Variants in WWOX observed in about 807,000 individuals in gnomAD.
WWOX encodes WW domain-containing oxidoreductase.
Under a neutral mutation model 46.2 loss-of-function variants are expected in WWOX, and 69 were observed. The observed-to-expected ratio is 1.49, with a 90% CI of 1.23 to 1.82. The LOEUF is 1.82. WWOX is among the 40% of genes most tolerant of loss of function. The probability of loss-of-function intolerance (pLI) is 0.00; values close to 1 mark genes in which losing one functional copy is unlikely to be tolerated. For missense variants in WWOX, 919 were observed against 542.6 expected, an observed-to-expected ratio of 1.69 and a Z score of -6.89; for synonymous variants, 359 against 202.6, an observed-to-expected ratio of 1.77 and a Z score of -6.56.
intron 8 of WWOX, among the ~76,000 whole-genome samples, chr16:78,961,077 A>T (rs1039228617): frequency 1.3e-5 from 2 of 152,144 alleles, no homozygotes; most frequent in African/African-American, 4.8e-5. Flanking sequence ...CTTGAGACTC[A>T]GGTGTTCTCA....
In WWOX at chr16:78,929,692, G is replaced by A. The variant is rs549360006; in HGVS notation, c.1057-281916G>A. Among the ~76,000 whole-genome samples, 121 of 152,236 alleles carry A rather than the reference G, an allele frequency of 7.9e-4. 1 individual carries two copies. In the South Asian group the frequency reaches 0.025, roughly 31 times the overall value. On this transcript the variant is annotated intron_variant, in intron 8 of 8. Coordinates refer to ENST00000566780, the MANE Select transcript of WWOX (RefSeq NM_016373.4). ...TGGACTGCATGCTGCAGCCAGCTCA[G>A]GAAAGATTTCAGGAAGAGCGTTTAG...
At chr16:79,069,190 A>C (rs972728449) in intron 8 of WWOX, among the ~76,000 whole-genome samples, 1 of 152,162 alleles carries the variant, frequency 6.6e-6, no homozygotes, top group African/African-American at 2.4e-5. Flanking sequence ...TATCCTCTTG[A>C]CCTGGAATGG....
At chr16:78,589,215 A>T (rs1320462109) in intron 8 of WWOX, among the ~76,000 whole-genome samples, 1 of 152,194 alleles carries the variant, frequency 6.6e-6, no homozygotes, top group African/African-American at 2.4e-5. Flanking sequence ...TTATTGCGGT[A>T]AGTGCTCAGG....
chr16:79,182,069 T>TCCCCACCCTACCCCCCCCCCCCCC (rs57184665), intron 8 of WWOX, among the ~76,000 whole-genome samples: 1 of 149,740 alleles, frequency 6.7e-6, no homozygotes, highest in African/African-American at 2.5e-5. Context: ...CCTTCCAACA[T>TCCCCACCCTACCCCCCCCCCCCCC]CCCCACCCTA....
At chr16:78,712,260 T>G (rs180863065) in intron 8 of WWOX, among the ~76,000 whole-genome samples, 57 of 152,240 alleles carry the variant, frequency 3.7e-4, no homozygotes, top group African/African-American at 1.3e-3. Context: ...TCCCAGCACT[T>G]TGGGAGGCCG....
At chr16:78,469,904 T>C (rs2084179788) in intron 8 of WWOX, among the ~76,000 whole-genome samples, 1 of 152,234 alleles carries the variant, frequency 6.6e-6, no homozygotes, top group Non-Finnish European at 1.5e-5. Context: ...ATAGAGCCAA[T>C]AAGATGTAAC....
intron 8 of WWOX, among the ~76,000 whole-genome samples, chr16:79,097,223 A>G (rs560858229): frequency 6.6e-6 from 1 of 152,280 alleles, no homozygotes; most frequent in South Asian, 2.1e-4. Flanking sequence ...GCTTTTCTCA[A>G]TAATTGCATA....
intron 8 of WWOX, among the ~76,000 whole-genome samples, chr16:78,886,760 C>G (rs1391216883): frequency 6.6e-6 from 1 of 151,614 alleles, no homozygotes; most frequent in Non-Finnish European, 1.5e-5. Context: ...ATAATTAAAG[C>G]ACAAGGAAAG....
In WWOX at chr16:78,782,466, G is replaced by A. The variant is rs755496517; in HGVS notation, c.1056+349714G>A. On this transcript the variant is annotated intron_variant, in intron 8 of 8. Coordinates refer to ENST00000566780, the MANE Select transcript of WWOX (RefSeq NM_016373.4). ...CATTGGTATTCCACAGCATTCCAAC[G>A]ATTCTAAATACTCTCCCAGAGTAGG... Among the ~76,000 whole-genome samples, 77 of 152,096 alleles carry A rather than the reference G, an allele frequency of 5.1e-4. 1 individual carries two copies. Among genetic ancestry groups the A allele is most frequent in the Non-Finnish European group, 1.0e-3 (68 of 68,024 alleles).
intron 8 of WWOX, among the ~76,000 whole-genome samples, chr16:79,135,611 C>T (rs1379092491): frequency 6.6e-6 from 1 of 152,050 alleles, no homozygotes; most frequent in East Asian, 1.9e-4. Flanking sequence ...AATTGTGGAC[C>T]AATGAGATGT....
chr16:79,083,329 A>G (rs919798622), intron 8 of WWOX, among the ~76,000 whole-genome samples: 1 of 152,234 alleles, frequency 6.6e-6, no homozygotes, highest in Non-Finnish European at 1.5e-5. Context: ...ACCCCTTCCT[A>G]TGCCCCAGCA....
intron 5 of WWOX, among the ~76,000 whole-genome samples, chr16:78,374,232 T>C (rs1170515452): frequency 6.6e-6 from 1 of 152,222 alleles, no homozygotes; most frequent in Non-Finnish European, 1.5e-5. Context: ...TCTCTCCCTG[T>C]TAGTCTTGAA....
rs564088634 is a variant in WWOX, at chr16:78,792,846, G to C, written c.1056+360094G>C. Among the ~76,000 whole-genome samples the C allele has an allele frequency of 1.1e-3, 167 of 152,198 alleles. 1 individual carries two copies. Among genetic ancestry groups the C allele is most frequent in the African/African-American group, 3.9e-3 (164 of 41,524 alleles). ...CTGATTGTCCACAGCTCTGCTCTCT[G>C]CTCACCCCGGGGATTTAGCAGTAAC... On this transcript the variant is annotated intron_variant, in intron 8 of 8. Coordinates refer to ENST00000566780, the MANE Select transcript of WWOX (RefSeq NM_016373.4).
At chr16:78,631,562 A>G (rs1449820493) in intron 8 of WWOX, among the ~76,000 whole-genome samples, 1 of 144,992 alleles carries the variant, frequency 6.9e-6, no homozygotes, top group Non-Finnish European at 1.5e-5. Flanking sequence ...TTTTTGAGAC[A>G]GGGTCTGGCT....
intron 8 of WWOX, among the ~76,000 whole-genome samples, chr16:79,107,261 T>G (rs1361413391): frequency 6.6e-6 from 1 of 150,752 alleles, no homozygotes; most frequent in Non-Finnish European, 1.5e-5. Flanking sequence ...TTTTATTTGT[T>G]ATTTTTGATC....
At chr16:78,670,853 G>T (rs909267225) in intron 8 of WWOX, among the ~76,000 whole-genome samples, 10 of 152,074 alleles carry the variant, frequency 6.6e-5, no homozygotes, top group Admixed American at 1.3e-4. Flanking sequence ...TAAAGATAGA[G>T]ATGTGAATGT....
At chr16:78,488,513 A>C (rs2084695912) in intron 8 of WWOX, among the ~76,000 whole-genome samples, 1 of 152,106 alleles carries the variant, frequency 6.6e-6, no homozygotes, top group Admixed American at 6.5e-5. Context: ...AACTGGATTT[A>C]CCATTGTGGC....
chr16:78,633,581 A>G (rs1171795653), intron 8 of WWOX, among the ~76,000 whole-genome samples: 1 of 152,232 alleles, frequency 6.6e-6, no homozygotes, highest in Non-Finnish European at 1.5e-5. Context: ...GTACGCTGGC[A>G]GGCCTCTGGC....
At chr16:78,510,477 T>G (rs976990379) in intron 8 of WWOX, among the ~76,000 whole-genome samples, 21 of 152,256 alleles carry the variant, frequency 1.4e-4, no homozygotes, top group African/African-American at 4.8e-4. Flanking sequence ...CCTCCCAAAG[T>G]GCTGGGATTA....
Sources: allele counts gnomAD v4.1 joint callset (sites outside exome capture counted in the v4.1 genomes callset), GRCh38; gene constraint gnomAD v4.1.1; transcripts MANE v1.5; gene names NCBI Gene and HGNC (gene_info 2026-07-23, HGNC 2026-07-21).